Variants in NT5DC1 observed in about 807,000 individuals in gnomAD.
NT5DC1 encodes the protein 5'-nucleotidase domain-containing protein 1.
A neutral mutation model predicts 59.4 loss-of-function variants in NT5DC1; 42 were observed. That is an observed-to-expected ratio of 0.71 (90% CI 0.55 to 0.92). NT5DC1 has a LOEUF of 0.92. NT5DC1 is among the 40% of genes least tolerant of loss of function. The pLI is 0.00. For synonymous variants in NT5DC1, 172 were observed against 188.1 expected, an observed-to-expected ratio of 0.91 and a Z score of 0.70; for missense variants, 501 against 537.1, an observed-to-expected ratio of 0.93 and a Z score of 0.66.
rs543600244 is a variant in NT5DC1, at chr6:116,249,139, T to G, written c.*5115T>G. 9.9e-5 allele frequency: 15 copies of G among 151,228 alleles called. No individual in the cohort carries two copies. The highest frequency in any genetic ancestry group is 9.3e-4 in the Admixed American group (14 of 15,102). The allele number at this position is 151,228 out of a possible 1,614,324, so 9.4% of individuals were successfully genotyped here. On this transcript the variant is annotated 3_prime_UTR_variant, in exon 12 of 12. Coordinates refer to ENST00000319550, the MANE Select transcript of NT5DC1 (RefSeq NM_152729.3). ...GAACATTGTTAGAGGAATTTAGGAT[T>G]AAGATGGATGTAGAGCTTGCAAAAG...
chr6:116,204,277 C>T (rs899045445), intron 6 of NT5DC1, among the ~76,000 whole-genome samples: 4 of 151,832 alleles, frequency 2.6e-5, no homozygotes, highest in African/African-American at 9.7e-5. Flanking sequence ...CAGTTGAATA[C>T]AACAAATTGC....
At chr6:116,211,702 A>G (rs1164983671) in intron 6 of NT5DC1, among the ~76,000 whole-genome samples, 1 of 152,076 alleles carries the variant, frequency 6.6e-6, no homozygotes, top group Non-Finnish European at 1.5e-5. Context: ...TGTACTACCT[A>G]TTACAGAGAA....
chr6:116,236,917 C>A, intron 8 of NT5DC1, 49 bp from the exon 9 acceptor site: 1 of 1,184,890 alleles, frequency 8.4e-7, no homozygotes, highest in Non-Finnish European at 1.3e-6. Flanking sequence ...GCCCAACTGG[C>A]TACTCTCACT....
At chr6:116,235,651 T>C (rs1782101164) in intron 8 of NT5DC1, among the ~76,000 whole-genome samples, 1 of 152,244 alleles carries the variant, frequency 6.6e-6, no homozygotes, top group Non-Finnish European at 1.5e-5. Flanking sequence ...GTTATAATGA[T>C]CAAACTTTAA....
chr6:116,171,812 A>C (rs753018140), intron 6 of NT5DC1, among the ~76,000 whole-genome samples: 3 of 152,220 alleles, frequency 2.0e-5, no homozygotes, highest in Non-Finnish European at 4.4e-5. Context: ...CCATTTGCAT[A>C]AATGTGCAAT....
chr6:116,234,001 G>A (rs549182070), intron 8 of NT5DC1, among the ~76,000 whole-genome samples: 5 of 109,186 alleles, frequency 4.6e-5, no homozygotes, highest in African/African-American at 6.9e-5. Flanking sequence ...TTTTTGAGAC[G>A]GAATCTCATT....
At chr6:116,144,245 T>C (rs1779838615) in intron 6 of NT5DC1, among the ~76,000 whole-genome samples, 1 of 152,208 alleles carries the variant, frequency 6.6e-6, no homozygotes, top group Non-Finnish European at 1.5e-5. Flanking sequence ...GGCTCACGCC[T>C]GTATCCCAGC....
At chr6:116,170,563 A>G (rs1328067253) in intron 6 of NT5DC1, among the ~76,000 whole-genome samples, 1 of 152,158 alleles carries the variant, frequency 6.6e-6, no homozygotes, top group Non-Finnish European at 1.5e-5. Flanking sequence ...TAATCAGTGC[A>G]CCTTAGCTGT....
At chr6:116,180,698 A>G (rs1780855541) in intron 6 of NT5DC1, among the ~76,000 whole-genome samples, 1 of 152,128 alleles carries the variant, frequency 6.6e-6, no homozygotes. Flanking sequence ...GTACCAAGTT[A>G]GTTGACACTG....
At chr6:116,155,777 G>A (rs544794216) in intron 6 of NT5DC1, among the ~76,000 whole-genome samples, 3 of 151,172 alleles carry the variant, frequency 2.0e-5, no homozygotes, top group East Asian at 1.9e-4. Context: ...AAAAAAGAGG[G>A]AGGAAGTTGT....
chr6:116,120,995 C>A, intron 6 of NT5DC1: 1 of 1,613,966 alleles, frequency 6.2e-7, no homozygotes, highest in Non-Finnish European at 8.5e-7. Context: ...ACCCTTAGCC[C>A]CAGGGTATCC....
intron 6 of NT5DC1, chr6:116,145,351 T>TAA: frequency 3.7e-6 from 1 of 268,180 alleles, no homozygotes; most frequent in Admixed American, 3.4e-5. Context: ...TATGAAATGC[T>TAA]AAAAAAAAAT....
intron 6 of NT5DC1, among the ~76,000 whole-genome samples, chr6:116,182,918 CT>C (rs1473053129): frequency 6.6e-6 from 1 of 151,892 alleles, no homozygotes. Flanking sequence ...GTTGAATTTG[CT>C]TTTGAGTTCT....
intron 6 of NT5DC1, among the ~76,000 whole-genome samples, chr6:116,130,089 G>T (rs1056219400): frequency 2.0e-5 from 3 of 152,176 alleles, no homozygotes; most frequent in Admixed American, 6.5e-5. Context: ...GTTATAAAAT[G>T]ATGATATTCT....
At chr6:116,121,873 T>C (rs778032626) in intron 6 of NT5DC1, 1 of 1,613,994 alleles carries the variant, frequency 6.2e-7, no homozygotes, top group Non-Finnish European at 8.5e-7. Context: ...AGCCTGGTTT[T>C]CCTGGTGGTC....
chr6:116,117,892 G>A lies in NT5DC1; in HGVS notation c.476G>A (p.Trp159Ter). The A allele has an allele frequency of 1.3e-6, 2 of 1,584,896 alleles. No individual in the cohort carries two copies. The highest frequency in any genetic ancestry group is 1.7e-6 in the Non-Finnish European group (2 of 1,155,670). ...LNNGQKTFDF[W>*]KDIVAAIQHN... ...AATGGTCAAAAAACATTTGATTTTT[G>A]GAAGGATATAGTTGCTGCTATACAA... is the stretch of plus-strand genomic sequence containing the variant. Residue 159 changes from tryptophan to a stop codon, truncating the protein, a stop_gained, in exon 6 of 12, where the codon TGG (tryptophan) becomes TAG (stop). Transcript: ENST00000319550. LOFTEE classifies it high-confidence loss of function.
At position 116,120,332 on chromosome 6, in the gene NT5DC1, C is replaced by T. The variant is rs111033553; in HGVS notation, c.529+2387C>T. On this transcript the variant is annotated intron_variant, in intron 6 of 11. Coordinates refer to ENST00000319550, the MANE Select transcript of NT5DC1 (RefSeq NM_152729.3). ...CACGTGGTATGAAAAATAGTATATT[C>T]CTGGTATCTGACAAGTAAAGATTCC... The T allele has an allele frequency of 6.2e-7, 1 of 1,614,206 alleles. No homozygotes were observed. The highest frequency in any genetic ancestry group is 8.5e-7 in the Non-Finnish European group (1 of 1,180,026).
In NT5DC1 at chr6:116,246,642, G is replaced by A. The variant is rs573391981; in HGVS notation, c.*2618G>A. ...CATGGATAGCTTTTTAAAATCTTCA[G>A]TGTTGGAGTAACAGTCCCTTACATC... On this transcript the variant is annotated 3_prime_UTR_variant, in exon 12 of 12. Transcript: ENST00000319550. 1 of 152,216 alleles carries A rather than the reference G, an allele frequency of 6.6e-6. No individual in the cohort carries two copies. Among genetic ancestry groups the A allele is most frequent in the South Asian group, 2.1e-4 (1 of 4,822 alleles). The allele number at this position is 152,216 out of a possible 1,614,324, so 9.4% of individuals were successfully genotyped here.
chr6:116,215,679 G>A (rs929971148), intron 6 of NT5DC1, among the ~76,000 whole-genome samples: 6 of 152,118 alleles, frequency 3.9e-5, no homozygotes, highest in Non-Finnish European at 8.8e-5. Context: ...GAGGAAACTA[G>A]GTTCTTTTAG....
Sources: gnomAD v4.1 joint callset for allele counts (sites outside exome capture counted in the v4.1 genomes callset) on GRCh38, gnomAD v4.1.1 for gene constraint, MANE v1.5 for transcripts, NCBI Gene and HGNC (gene_info 2026-07-23, HGNC 2026-07-21) for gene names.